The following CCDC178 variants were observed in gnomAD, a reference collection of about 807,000 sequenced individuals.
The protein encoded by CCDC178 is coiled-coil domain containing 178.
Under a neutral mutation model 117.4 loss-of-function variants are expected in CCDC178, and 126 were observed. The ratio of observed to expected loss-of-function variants is 1.07; its 90% CI spans 0.93 to 1.24. CCDC178 has a LOEUF of 1.24. Ranked by LOEUF, CCDC178 falls within the 50% of genes most tolerant of loss-of-function variation. The pLI is 0.00. For missense variants in CCDC178, 1,030 were observed against 986.9 expected (o/e 1.04, Z -0.59); for synonymous variants, 283 against 313.4 (o/e 0.90, Z 1.02).
Position 33,417,315 on chromosome 18 carries a change from G to A in CCDC178, c.-22-5205C>T, listed in dbSNP as rs536219023. ...TTTTGATGAACTCCATACTAATTAT[G>A]CTGAGTGAAAAAACCTGCAATCTCA... On this transcript the variant is annotated intron_variant, in intron 2 of 22. Coordinates refer to ENST00000383096, the MANE Select transcript of CCDC178 (RefSeq NM_001105528.4). 2.0e-4 allele frequency among the ~76,000 whole-genome samples: 31 copies of A among 152,182 alleles called. 1 individual carries two copies. In the South Asian group the frequency reaches 6.0e-3, roughly 30 times the overall value.
rs1598702658 is a variant in CCDC178, at chr18:32,937,959, T to C, written c.*52A>G. On this transcript the variant is annotated 3_prime_UTR_variant, in exon 23 of 23. Transcript: ENST00000383096. The stretch of plus-strand genomic sequence containing the variant: ...TCCAATTACACTGTTATCTGAACTG[T>C]GTGACTTTTCTTGTCTTTTATTTCA... 4 of 1,375,218 alleles carry C rather than the reference T, an allele frequency of 2.9e-6. No homozygotes were observed. The East Asian group carries it at 9.1e-5, about 31-fold the overall frequency. The allele number at this position is 1,375,218 out of a possible 1,614,324, so 85.2% of individuals were successfully genotyped here.
intron 6 of CCDC178, among the ~76,000 whole-genome samples, chr18:33,368,649 G>C (rs73955120): frequency 0.016 from 2,376 of 151,988 alleles, 60 homozygotes; most frequent in African/African-American, 0.053. Flanking sequence ...TTTGAAAACA[G>C]ACAGAGGGTG....
intron 20 of CCDC178, among the ~76,000 whole-genome samples, chr18:33,157,090 G>T (rs2058410234): frequency 6.6e-6 from 1 of 152,104 alleles, no homozygotes; most frequent in Non-Finnish European, 1.5e-5. Flanking sequence ...AAACATGTCT[G>T]GAAATGCTCC....
At chr18:33,286,805 G>C (rs915336685) in intron 12 of CCDC178, among the ~76,000 whole-genome samples, 5 of 151,962 alleles carry the variant, frequency 3.3e-5, no homozygotes, top group East Asian at 1.9e-4. Flanking sequence ...ATCCCTAAAA[G>C]TTATTTTTTA....
At chr18:33,247,281 C>T (rs900270559) in intron 14 of CCDC178, among the ~76,000 whole-genome samples, 1 of 151,558 alleles carries the variant, frequency 6.6e-6, no homozygotes, top group African/African-American at 2.4e-5. Flanking sequence ...AACATTCTGA[C>T]AAAGAACTTA....
intron 20 of CCDC178, among the ~76,000 whole-genome samples, chr18:33,177,022 A>G (rs897211150): frequency 1.3e-5 from 2 of 152,152 alleles, no homozygotes; most frequent in African/African-American, 2.4e-5. Flanking sequence ...TCATTTAAAA[A>G]CCATCTTATT....
chr18:33,001,198 A>T (rs548658576), intron 21 of CCDC178, among the ~76,000 whole-genome samples: 1 of 152,302 alleles, frequency 6.6e-6, no homozygotes, highest in South Asian at 2.1e-4. Flanking sequence ...TGATAACCTC[A>T]AATCGAAAAA....
intron 20 of CCDC178, among the ~76,000 whole-genome samples, chr18:33,194,009 A>G (rs1440408901): frequency 6.6e-6 from 1 of 152,004 alleles, no homozygotes; most frequent in Non-Finnish European, 1.5e-5. Flanking sequence ...TTATAATGGT[A>G]TTAATCCCAC....
chr18:33,027,393 T>C (rs1253877802), intron 21 of CCDC178, among the ~76,000 whole-genome samples: 2 of 151,530 alleles, frequency 1.3e-5, no homozygotes, highest in African/African-American at 4.8e-5. Flanking sequence ...TTACAATAAA[T>C]GTAACTAGAA....
chr18:33,103,996 GA>G (rs1016141782), intron 20 of CCDC178, among the ~76,000 whole-genome samples: 1 of 151,736 alleles, frequency 6.6e-6, no homozygotes, highest in Non-Finnish European at 1.5e-5. Context: ...GACAGAAACG[GA>G]ATAATAAATT....
chr18:33,226,102 G>GCA (rs2059300697), intron 16 of CCDC178, among the ~76,000 whole-genome samples: 2 of 152,154 alleles, frequency 1.3e-5, no homozygotes, highest in Non-Finnish European at 2.9e-5. Context: ...CAGAGGTTAT[G>GCA]GTGAGCCAAG....
chr18:33,033,591 C>T (rs2144868664), intron 21 of CCDC178, among the ~76,000 whole-genome samples: 1 of 152,106 alleles, frequency 6.6e-6, no homozygotes, highest in Middle Eastern at 3.4e-3. Context: ...ACTTTCCCAA[C>T]TTAAAATAAA....
intron 2 of CCDC178, among the ~76,000 whole-genome samples, chr18:33,418,725 A>G (rs2144924386): frequency 6.6e-6 from 1 of 152,330 alleles, no homozygotes; most frequent in Middle Eastern, 3.4e-3. Context: ...CAAGTCAAGA[A>G]CACAAGCCTA....
intron 14 of CCDC178, among the ~76,000 whole-genome samples, chr18:33,251,006 A>C (rs1037167582): frequency 6.6e-6 from 1 of 151,842 alleles, no homozygotes; most frequent in South Asian, 2.1e-4. Context: ...AAACCTTCAA[A>C]TTAAGGAGAA....
At chr18:33,312,764 G>T (rs2062360207) in intron 11 of CCDC178, among the ~76,000 whole-genome samples, 1 of 152,176 alleles carries the variant, frequency 6.6e-6, no homozygotes, top group African/African-American at 2.4e-5. Context: ...AATGGCTGTC[G>T]CTACACAGGG....
Position 33,005,924 on chromosome 18 carries a change from T to C in CCDC178, c.2389-31243A>G, listed in dbSNP as rs561030116. Among the ~76,000 whole-genome samples the C allele has an allele frequency of 3.3e-5, 5 of 152,184 alleles. No homozygotes were observed. In the South Asian group the frequency reaches 1.0e-3, roughly 31 times the overall value. On this transcript the variant is annotated intron_variant, in intron 21 of 22. Transcript: ENST00000383096. ...ACATGCCACATGCCACTTTTCTAAA[T>C]GATTCTGATGCCTTTCCCTTGAATT...
chr18:33,416,137 A>G (rs1690601319), intron 2 of CCDC178, among the ~76,000 whole-genome samples: 1 of 152,142 alleles, frequency 6.6e-6, no homozygotes, highest in Non-Finnish European at 1.5e-5. Context: ...ATCAGAAAAA[A>G]ACTGCCCGGG....
Position 33,292,724 on chromosome 18 carries a change from G to A in CCDC178, c.1176+435C>T, listed in dbSNP as rs569721081. On this transcript the variant is annotated intron_variant, in intron 12 of 22. Transcript: ENST00000383096. ...TTATGTGTCAATTGAAACAGAAACC[G>A]AAGAAGTTTTTGTCTGAAGTTTTTC... 1.7e-4 allele frequency among the ~76,000 whole-genome samples: 26 copies of A among 152,112 alleles called. 1 individual carries two copies. The East Asian group carries it at 4.3e-3, about 25-fold the overall frequency.
intron 21 of CCDC178, among the ~76,000 whole-genome samples, chr18:33,077,329 C>T (rs920035695): frequency 6.6e-6 from 1 of 152,046 alleles, no homozygotes; most frequent in East Asian, 1.9e-4. Flanking sequence ...AAATAGTATT[C>T]CCTTTTATCC....
Sources: gnomAD v4.1 joint callset for allele counts (sites outside exome capture counted in the v4.1 genomes callset) on GRCh38, gnomAD v4.1.1 for gene constraint, MANE v1.5 for transcripts, NCBI Gene and HGNC (gene_info 2026-07-23, HGNC 2026-07-21) for gene names.